Variants in KCTD16 observed in about 807,000 individuals in gnomAD.
The protein encoded by KCTD16 is BTB/POZ domain-containing protein KCTD16.
A neutral mutation model predicts 33.2 loss-of-function variants in KCTD16; 13 were observed. That is an observed-to-expected ratio of 0.39 (90% CI 0.25 to 0.62). The LOEUF (loss-of-function observed/expected upper bound fraction) is 0.62. KCTD16 is among the 20% of genes least tolerant of loss of function. The pLI, the probability that KCTD16 is intolerant of heterozygous loss-of-function variation, is 0.50. For missense variants in KCTD16, 441 were observed against 525.1 expected, an observed-to-expected ratio of 0.84 and a Z score of 1.57; for synonymous variants, 197 against 195.3, an observed-to-expected ratio of 1.01 and a Z score of -0.07.
At chr5:144,214,981 T>G (rs573537944) in intron 3 of KCTD16, among the ~76,000 whole-genome samples, 56 of 152,284 alleles carry the variant, frequency 3.7e-4, no homozygotes, top group African/African-American at 1.3e-3. Context: ...AATATTCTGT[T>G]TTGGTCATAG....
chr5:144,320,416 C>G (rs189844096), intron 3 of KCTD16, among the ~76,000 whole-genome samples: 136 of 152,246 alleles, frequency 8.9e-4, no homozygotes, highest in African/African-American at 2.8e-3. Context: ...GGACAGGTAG[C>G]TTGTCTCTAT....
At chr5:144,345,770 A>G (rs1752782139) in intron 3 of KCTD16, among the ~76,000 whole-genome samples, 1 of 152,134 alleles carries the variant, frequency 6.6e-6, no homozygotes, top group South Asian at 2.1e-4. Flanking sequence ...AGATGCTTTG[A>G]TACAGGCATG....
intron 3 of KCTD16, among the ~76,000 whole-genome samples, chr5:144,253,600 A>C (rs999476543): frequency 3.3e-5 from 5 of 152,232 alleles, no homozygotes; most frequent in Non-Finnish European, 5.9e-5. Context: ...AACTTGGTGC[A>C]GACATGTGTC....
At chr5:144,237,486 T>G (rs1754286097) in intron 3 of KCTD16, among the ~76,000 whole-genome samples, 1 of 152,098 alleles carries the variant, frequency 6.6e-6, no homozygotes, top group Non-Finnish European at 1.5e-5. Context: ...GCATTACTCT[T>G]TGGTCACTTT....
chr5:144,440,861 A>AG (rs1334042218), intron 3 of KCTD16, among the ~76,000 whole-genome samples: 2 of 151,980 alleles, frequency 1.3e-5, no homozygotes, highest in Non-Finnish European at 2.9e-5. Context: ...ATTTAGCATT[A>AG]GGTATATCTC....
At chr5:144,438,284 C>A (rs1753624154) in intron 3 of KCTD16, among the ~76,000 whole-genome samples, 1 of 152,186 alleles carries the variant, frequency 6.6e-6, no homozygotes, top group African/African-American at 2.4e-5. Flanking sequence ...TGACAGAAAT[C>A]TTATTCAATC....
intron 3 of KCTD16, among the ~76,000 whole-genome samples, chr5:144,384,629 T>A (rs1441439727): frequency 6.6e-6 from 1 of 152,216 alleles, no homozygotes. Context: ...AAACATAATT[T>A]AACCTCTTTC....
chr5:144,344,346 A>G (rs1457590660), intron 3 of KCTD16, among the ~76,000 whole-genome samples: 1 of 143,010 alleles, frequency 7.0e-6, no homozygotes, highest in Non-Finnish European at 1.5e-5. Flanking sequence ...AACAAAAGCC[A>G]AAATTGACAA....
chr5:144,382,744 C>A (rs1182856327), intron 3 of KCTD16, among the ~76,000 whole-genome samples: 1 of 152,180 alleles, frequency 6.6e-6, no homozygotes, highest in East Asian at 1.9e-4. Flanking sequence ...TTTAAAGCAT[C>A]TCTGGATCCA....
chr5:144,258,799 C>CT (rs1754919692), intron 3 of KCTD16, among the ~76,000 whole-genome samples: 1 of 151,676 alleles, frequency 6.6e-6, no homozygotes, highest in African/African-American at 2.4e-5. Flanking sequence ...GAATTCAGTG[C>CT]TATTATGTCA....
intron 3 of KCTD16, among the ~76,000 whole-genome samples, chr5:144,311,729 G>T (rs904822416): frequency 6.6e-6 from 1 of 151,396 alleles, no homozygotes; most frequent in Admixed American, 6.6e-5. Flanking sequence ...TATAAATACA[G>T]GTATATGAAG....
At chr5:144,442,949 A>C (rs968929133) in intron 3 of KCTD16, among the ~76,000 whole-genome samples, 6 of 152,102 alleles carry the variant, frequency 3.9e-5, no homozygotes, top group African/African-American at 1.2e-4. Flanking sequence ...CATCTGGGAA[A>C]GCTGGATATG....
chr5:144,195,513 C>A (rs967878450), intron 2 of KCTD16, among the ~76,000 whole-genome samples: 10 of 152,172 alleles, frequency 6.6e-5, no homozygotes, highest in African/African-American at 2.4e-4. Context: ...TGTTCACTGG[C>A]ACACAAGGAA....
intron 3 of KCTD16, among the ~76,000 whole-genome samples, chr5:144,436,442 C>T (rs1210917604): frequency 6.6e-6 from 1 of 151,954 alleles, no homozygotes; most frequent in Non-Finnish European, 1.5e-5. Context: ...AGAGGATTGG[C>T]CTCACGGAAA....
intron 3 of KCTD16, among the ~76,000 whole-genome samples, chr5:144,304,208 A>G (rs1486639248): frequency 1.3e-5 from 2 of 152,266 alleles, no homozygotes; most frequent in Non-Finnish European, 2.9e-5. Flanking sequence ...CCAGGGTGTC[A>G]TAGTTAAATC....
chr5:144,481,881 A>G lies in KCTD16; in HGVS notation c.*7767A>G, dbSNP rs376629140. 1 of 151,960 alleles carries G rather than the reference A, an allele frequency of 6.6e-6. No individual in the cohort carries two copies. Among genetic ancestry groups the G allele is most frequent in the East Asian group, 1.9e-4 (1 of 5,162 alleles). The allele number at this position is 151,960 out of a possible 1,614,324, so 9.4% of individuals were successfully genotyped here. ...TCCAGTTATAAATAATATATATTACAGATTTATTATTATGTACCTGAAACT... is the reference window on the plus strand; with the variant it reads ...TCCAGTTATAAATAATATATATTACGGATTTATTATTATGTACCTGAAACT... On this transcript the variant is annotated 3_prime_UTR_variant, in exon 4 of 4. Transcript: ENST00000512467.
At chr5:144,433,356 C>T (rs955989433) in intron 3 of KCTD16, among the ~76,000 whole-genome samples, 2 of 152,128 alleles carry the variant, frequency 1.3e-5, no homozygotes, top group Non-Finnish European at 2.9e-5. Flanking sequence ...ACAGACTGTA[C>T]TGAATGGGAC....
chr5:144,418,097 G>A (rs188876194), intron 3 of KCTD16, among the ~76,000 whole-genome samples: 20 of 152,078 alleles, frequency 1.3e-4, no homozygotes, highest in Admixed American at 1.1e-3. Context: ...GGAGTTGTTC[G>A]TTCCTCCTGG....
At chr5:144,466,179 G>T (rs1401123185) in intron 3 of KCTD16, among the ~76,000 whole-genome samples, 1 of 151,472 alleles carries the variant, frequency 6.6e-6, no homozygotes, top group East Asian at 1.9e-4. Context: ...CATACTGATT[G>T]GTTGTTGAGT....
Sources: allele counts gnomAD v4.1 joint callset (sites outside exome capture counted in the v4.1 genomes callset), GRCh38; gene constraint gnomAD v4.1.1; transcripts MANE v1.5; gene names NCBI Gene and HGNC (gene_info 2026-07-23, HGNC 2026-07-21).